Variants in NAT8L observed in about 807,000 individuals in gnomAD.
The protein encoded by NAT8L is aspartate N-acetyltransferase.
A neutral mutation model predicts 21.2 loss-of-function variants in NAT8L; 6 were observed. The observed-to-expected ratio is 0.28, with a 90% confidence interval of 0.16 to 0.56. NAT8L has a LOEUF of 0.56. Ranked by LOEUF, NAT8L falls within the 20% of genes least tolerant of loss-of-function variation. The probability of loss-of-function intolerance (pLI) is 0.93; values close to 1 mark genes in which losing one functional copy is unlikely to be tolerated. For synonymous variants in NAT8L, 239 were observed against 204.9 expected (o/e 1.17, Z -1.42); for missense variants, 331 against 433.3 (o/e 0.76, Z 2.10).
chr4:2,059,375 C>T lies in NAT8L; in HGVS notation c.-137C>T. 6.0e-6 allele frequency: 1 copy of T among 166,974 alleles called. No homozygotes were observed. Among genetic ancestry groups the T allele is most frequent in the Non-Finnish European group, 1.2e-5 (1 of 85,076 alleles). 10.3% of individuals were successfully genotyped at this position (166,974 alleles called of 1,614,324 possible). A position where few individuals can be genotyped will look rare whatever the true frequency, so the allele number is the denominator to read the frequency against. ...GCCGCCTCCGCCCCGCGCCCCTGAG[C>T]TGCCGCCGCCGCCGCCGCCGCTGCC... On this transcript the variant is annotated 5_prime_UTR_variant, in exon 1 of 3. Transcript: ENST00000423729. The surrounding 1 kb of genome is among the most constrained non-coding windows in gnomAD (Gnocchi z 4.8).
Position 2,059,974 on chromosome 4 carries a change from G to T in NAT8L, c.376+87G>T. ...CGGCGTCCACGCGGACCCCGCGCCC[G>T]GCTCCCGGGGACCAGCCTGGGAAGC... On this transcript the variant is annotated intron_variant, in intron 1 of 2. Coordinates refer to ENST00000423729, the MANE Select transcript of NAT8L (RefSeq NM_178557.4). This position sits in a 1 kb window ranked among gnomAD's most constrained non-coding sequence, Gnocchi z 4.8. The T allele has an allele frequency of 2.5e-6, 2 of 788,248 alleles. No individual in the cohort carries two copies. Among genetic ancestry groups the T allele is most frequent in the Non-Finnish European group, 3.2e-6 (2 of 615,406 alleles). The allele number at this position is 788,248 out of a possible 1,614,324, so 48.8% of individuals were successfully genotyped here.
chr4:2,063,996 G>C lies in NAT8L; in HGVS notation c.778G>C (p.Glu260Gln), dbSNP rs753498141. 8.7e-6 allele frequency: 14 copies of C among 1,611,856 alleles called. No individual in the cohort carries two copies. The highest frequency in any genetic ancestry group is 3.3e-5 in the South Asian group (3 of 91,032). The change falls in exon 3 of 3, where the codon GAG (glutamate) becomes CAG (glutamine). Residue 260 changes from glutamate (E) to glutamine (Q), a missense_variant. Glu to Gln is a conservative substitution (Grantham distance 29, BLOSUM62 2). This residue lies in a region of NAT8L where 132 missense variants were observed against 237.1 expected (regional missense o/e 0.56). Transcript: ENST00000423729. ...AVKVAAHKLYESLGFRHMGAS... is the reference protein window; with the variant it reads ...AVKVAAHKLYQSLGFRHMGAS... ...CAAGGTGGCCGCCCACAAGCTCTACGAGTCGCTGGGCTTCAGACACATGGG... is the reference window on the plus strand; with the variant it reads ...CAAGGTGGCCGCCCACAAGCTCTACCAGTCGCTGGGCTTCAGACACATGGG...
Position 2,059,685 on chromosome 4 carries a change from C to G in NAT8L, c.174C>G (p.Ala58=). 1.9e-6 allele frequency: 2 copies of G among 1,031,518 alleles called. No homozygotes were observed. The highest frequency in any genetic ancestry group is 1.2e-6 in the Non-Finnish European group (1 of 861,484). The allele number at this position is 1,031,518 out of a possible 1,614,324, so 63.9% of individuals were successfully genotyped here. Residue 58 remains alanine, a synonymous_variant, in exon 1 of 3, where the codon GCC becomes GCG. Transcript: ENST00000423729. The surrounding 1 kb of genome is among the most constrained non-coding windows in gnomAD (Gnocchi z 4.8). ...CCGCGCCCCCCGCGCCCCCACCTGCCCCGGTGGCTCAGCCTCACGGCGGGG... is the reference window on the plus strand; with the variant it reads ...CCGCGCCCCCCGCGCCCCCACCTGCGCCGGTGGCTCAGCCTCACGGCGGGG... The part of the protein sequence containing the change: ...PAAAPPAPPP[A]PVAQPHGGAG...
Position 2,059,328 on chromosome 4 carries a change from C to T in NAT8L, c.-184C>T, listed in dbSNP as rs920692544. Among the ~76,000 whole-genome samples, 28 of 145,704 alleles carry T rather than the reference C, an allele frequency of 1.9e-4. No individual in the cohort carries two copies. The highest frequency in any genetic ancestry group is 1.2e-3 in the Admixed American group (18 of 14,706). ...ACTTCTCCAAAATGCGGCGCAGCTC[C>T]CTGCGCGCGCCCCGGCCGCCCGCCG... On this transcript the variant is annotated 5_prime_UTR_variant, in exon 1 of 3. Transcript: ENST00000423729. The surrounding 1 kb of genome is among the most constrained non-coding windows in gnomAD (Gnocchi z 4.8).
At position 2,066,904 on chromosome 4, in the gene NAT8L, C is replaced by T. The variant is rs1235614429; in HGVS notation, c.*2777C>T. The T allele has an allele frequency of 1.3e-5, 2 of 152,590 alleles. No homozygotes were observed. The highest frequency in any genetic ancestry group is 2.4e-5 in the African/African-American group (1 of 41,460). The allele number at this position is 152,590 out of a possible 1,614,324, so 9.5% of individuals were successfully genotyped here. Reference sequence around the variant, plus strand: ...GGAAGGCGGGAGGGGCTGACAGTGCCTGGGGCCAGAGCTGGGCGAAGGAGG... The same window carrying T: ...GGAAGGCGGGAGGGGCTGACAGTGCTTGGGGCCAGAGCTGGGCGAAGGAGG... On this transcript the variant is annotated 3_prime_UTR_variant, in exon 3 of 3. Coordinates refer to ENST00000423729, the MANE Select transcript of NAT8L (RefSeq NM_178557.4).
Position 2,068,326 on chromosome 4 carries a change from C to T in NAT8L, c.*4199C>T, listed in dbSNP as rs1434156026. 3 of 152,170 alleles carry T rather than the reference C, an allele frequency of 2.0e-5. No individual in the cohort carries two copies. The highest frequency in any genetic ancestry group is 2.9e-5 in the Non-Finnish European group (2 of 68,048). The allele number at this position is 152,170 out of a possible 1,614,324, so 9.4% of individuals were successfully genotyped here. On this transcript the variant is annotated 3_prime_UTR_variant, in exon 3 of 3. Coordinates refer to ENST00000423729, the MANE Select transcript of NAT8L (RefSeq NM_178557.4). ...GTGTATAGATGTACGTGTGTGTGCG[C>T]ATGTGTGCGTGTACATGTGTTTGTG...
chr4:2,059,754 C>T lies in NAT8L; in HGVS notation c.243C>T (p.Arg81=). 1 of 1,307,162 alleles carries T rather than the reference C, an allele frequency of 7.7e-7. No individual in the cohort carries two copies. The highest frequency in any genetic ancestry group is 1.6e-5 in the South Asian group (1 of 61,908). The allele number at this position is 1,307,162 out of a possible 1,614,324, so 81.0% of individuals were successfully genotyped here. ...CGGGGGGGCGCGGCGTGTGCATCCG[C>T]GAGTTCCGTGCGGCCGAGCAGGAGG... is the stretch of plus-strand genomic sequence containing the variant. ...GPPGGRGVCI[R]EFRAAEQEAA... Residue 81 remains arginine, a synonymous_variant, in exon 1 of 3, where the codon CGC becomes CGT. Transcript: ENST00000423729. The surrounding 1 kb of genome is among the most constrained non-coding windows in gnomAD (Gnocchi z 4.8).
chr4:2,063,791 C>T lies in NAT8L; in HGVS notation c.573C>T (p.Gly191=), dbSNP rs141459125. Residue 191 remains glycine, a synonymous_variant, in exon 3 of 3, where the codon GGC becomes GGT. Transcript: ENST00000423729. The stretch of plus-strand genomic sequence containing the variant: ...GCTTCTGGGTGGCCGTGCTGGATGG[C>T]AACGTGGTGGGCATTGTGGCTGCAC... ...GSCFWVAVLD[G]NVVGIVAARA... The T allele has an allele frequency of 6.2e-7, 1 of 1,612,180 alleles. No individual in the cohort carries two copies. Among genetic ancestry groups the T allele is most frequent in the South Asian group, 1.1e-5 (1 of 91,084 alleles).
At position 2,060,931 on chromosome 4, in the gene NAT8L, GC is replaced by G; in HGVS notation, c.377-65del. ...GGGCGCGGCGTCCCTAGCGGGCTTC[GC>G]CGGGGTGGCGTCTCTGGGGCCTGGG... On this transcript the variant is annotated intron_variant, in intron 1 of 2. Coordinates refer to ENST00000423729, the MANE Select transcript of NAT8L (RefSeq NM_178557.4). The surrounding 1 kb of genome is among the most constrained non-coding windows in gnomAD (Gnocchi z 4.7). The G allele has an allele frequency of 1.1e-6, 1 of 887,806 alleles. No individual in the cohort carries two copies. The highest frequency in any genetic ancestry group is 1.6e-6 in the Non-Finnish European group (1 of 610,544). 55.0% of individuals were successfully genotyped at this position (887,806 alleles called of 1,614,324 possible).
In NAT8L at chr4:2,059,376, TGCCGCC is replaced by T. The variant is rs903081255; in HGVS notation, c.-121_-116del. On this transcript the variant is annotated 5_prime_UTR_variant, in exon 1 of 3. Transcript: ENST00000423729. This position sits in a 1 kb window ranked among gnomAD's most constrained non-coding sequence, Gnocchi z 4.8. ...CCGCCTCCGCCCCGCGCCCCTGAGCTGCCGCCGCCGCCGCCGCCGCTGCCGCCGCCG... is the reference window on the plus strand; with the variant it reads ...CCGCCTCCGCCCCGCGCCCCTGAGCTGCCGCCGCCGCCGCTGCCGCCGCCG... 2.4e-5 allele frequency: 4 copies of T among 163,706 alleles called. No homozygotes were observed. The highest frequency in any genetic ancestry group is 5.1e-5 in the African/African-American group (2 of 39,308). 10.1% of individuals were successfully genotyped at this position (163,706 alleles called of 1,614,324 possible).
In NAT8L at chr4:2,068,698, T is replaced by G. The variant is rs1216720954; in HGVS notation, c.*4571T>G. The G allele has an allele frequency of 6.6e-6, 1 of 152,156 alleles. No homozygotes were observed. The highest frequency in any genetic ancestry group is 1.9e-4 in the East Asian group (1 of 5,176). The allele number at this position is 152,156 out of a possible 1,614,324, so 9.4% of individuals were successfully genotyped here. On this transcript the variant is annotated 3_prime_UTR_variant, in exon 3 of 3. Coordinates refer to ENST00000423729, the MANE Select transcript of NAT8L (RefSeq NM_178557.4). ...ATGTGGCTGTGCAGGTACCCGGCGG[T>G]GGTGGGCTGGCAGTGCCCGGGGAAG...
intron 2 of NAT8L, among the ~76,000 whole-genome samples, chr4:2,061,784 C>T (rs1043497316): frequency 2.6e-5 from 4 of 152,182 alleles, no homozygotes; most frequent in Non-Finnish European, 5.9e-5. Context: ...ATGCCGGATG[C>T]CGCAGGGGTG....
In NAT8L at chr4:2,067,201, T is replaced by G. The variant is rs1229673805; in HGVS notation, c.*3074T>G. 1 of 152,332 alleles carries G rather than the reference T, an allele frequency of 6.6e-6. No individual in the cohort carries two copies. Among genetic ancestry groups the G allele is most frequent in the Admixed American group, 6.5e-5 (1 of 15,294 alleles). 9.4% of individuals were successfully genotyped at this position (152,332 alleles called of 1,614,324 possible). ...GTTGAGCCCCGCAGCCGTGGCGGCA[T>G]CTCCTCCTCCTTCCTCCGCCCCATG... is the stretch of plus-strand genomic sequence containing the variant. On this transcript the variant is annotated 3_prime_UTR_variant, in exon 3 of 3. Transcript: ENST00000423729.
intron 2 of NAT8L, 61 bp downstream of exon 2, chr4:2,061,223 T>G (rs1729853271): frequency 6.3e-7 from 1 of 1,599,140 alleles, no homozygotes. Flanking sequence ...GGGCACGCAC[T>G]CCAGCGACCT....
rs758735519 is a variant in NAT8L at position 2,060,974 on chromosome 4, C to T, written c.377-24C>T. On this transcript the variant is annotated intron_variant, in intron 1 of 2. Coordinates refer to ENST00000423729, the MANE Select transcript of NAT8L (RefSeq NM_178557.4). This position sits in a 1 kb window ranked among gnomAD's most constrained non-coding sequence, Gnocchi z 4.7. ...GGGCCTGGGGACCCCCGCCGCGCCG[C>T]TGACCCGCGCCCTCTGCCCCCAGCG... 4.0e-5 allele frequency: 57 copies of T among 1,424,026 alleles called. No individual in the cohort carries two copies. The highest frequency in any genetic ancestry group is 5.2e-5 in the Non-Finnish European group (54 of 1,043,916). 88.2% of individuals were successfully genotyped at this position (1,424,026 alleles called of 1,614,324 possible).
At chr4:2,062,854 C>CTT in intron 2 of NAT8L, among the ~76,000 whole-genome samples, 1 of 152,150 alleles carries the variant, frequency 6.6e-6, no homozygotes, top group Non-Finnish European at 1.5e-5. Context: ...CCTCCACTGG[C>CTT]CAAACCCTTG....
At chr4:2,063,455 G>C (rs187195352) in intron 2 of NAT8L, among the ~76,000 whole-genome samples, 12 of 152,274 alleles carry the variant, frequency 7.9e-5, no homozygotes, top group Non-Finnish European at 1.8e-4. Flanking sequence ...GAGCAGCGCA[G>C]CCTCCAGGCT....
rs887571873 is a variant in NAT8L at position 2,068,444 on chromosome 4, TCTC to T, written c.*4318_*4320del. The T allele has an allele frequency of 9.2e-5, 14 of 152,268 alleles. No homozygotes were observed. Among genetic ancestry groups the T allele is most frequent in the Admixed American group, 3.3e-4 (5 of 15,278 alleles). 9.4% of individuals were successfully genotyped at this position (152,268 alleles called of 1,614,324 possible). A position where few individuals can be genotyped will look rare whatever the true frequency, so the allele number is the denominator to read the frequency against. ...TGTGATGCGCATGTTCTTGTGTACT[TCTC>T]TGAGGGGGCACATATGTATGAGTGT... On this transcript the variant is annotated 3_prime_UTR_variant, in exon 3 of 3. Coordinates refer to ENST00000423729, the MANE Select transcript of NAT8L (RefSeq NM_178557.4).
rs1303325239 is a variant in NAT8L at position 2,059,641 on chromosome 4, GCCGCGCCCGGGCCGGCCGCCGCGCCCC to G, written c.139_165del (p.Gly47_Pro55del). ...CGGCGCCATGTGGCCCCCGCTGCCC[GCCGCGCCCGGGCCGGCCGCCGCGCCCC>G]CCGCGCCCCCACCTGCCCCGGTGGC... On this transcript the variant is annotated inframe_deletion, in exon 1 of 3. Transcript: ENST00000423729. This position sits in a 1 kb window ranked among gnomAD's most constrained non-coding sequence, Gnocchi z 4.8. 7.2e-6 allele frequency: 7 copies of G among 970,086 alleles called. No individual in the cohort carries two copies. The highest frequency in any genetic ancestry group is 5.4e-5 in the African/African-American group (3 of 55,876). 60.1% of individuals were successfully genotyped at this position (970,086 alleles called of 1,614,324 possible).
Sources: allele counts gnomAD v4.1 joint callset (sites outside exome capture counted in the v4.1 genomes callset), GRCh38; gene constraint gnomAD v4.1.1; regional missense constraint gnomAD v4.1.1; non-coding constraint Gnocchi (gnomAD v3.1); transcripts MANE v1.5; gene names NCBI Gene and HGNC (gene_info 2026-07-23, HGNC 2026-07-21).